CUX1: variants seen among roughly 807,000 people sequenced by gnomAD.
CUX1 encodes cut like homeobox 1, also known as protein CASP.
In CUX1, 31 loss-of-function variants were observed where a neutral mutation model predicts 158.8. The observed-to-expected ratio is 0.20, with a 90% CI of 0.15 to 0.26. The LOEUF is 0.26. Ranked by LOEUF, CUX1 falls within the 10% of genes least tolerant of loss-of-function variation. The pLI, the probability that CUX1 is intolerant of heterozygous loss-of-function variation, is 1.00. For synonymous variants in CUX1, 879 were observed against 862.1 expected (o/e 1.02, Z -0.34); for missense variants, 1,589 against 2,014.6 (o/e 0.79, Z 4.04).
chr7:101,951,763 T>C (rs1809092738), intron 2 of CUX1, among the ~76,000 whole-genome samples: 1 of 152,236 alleles, frequency 6.6e-6, no homozygotes, highest in Non-Finnish European at 1.5e-5. Flanking sequence ...CGCATCGGCC[T>C]CCCGAAGTGC....
At chr7:102,039,483 A>G (rs907746613) in intron 3 of CUX1, among the ~76,000 whole-genome samples, 4 of 151,958 alleles carry the variant, frequency 2.6e-5, no homozygotes, top group African/African-American at 9.7e-5. Context: ...GTGAAACTCC[A>G]TCTCTACAAA....
intron 10 of CUX1, among the ~76,000 whole-genome samples, chr7:102,174,181 G>C (rs1254347076): frequency 6.6e-6 from 1 of 152,056 alleles, no homozygotes; most frequent in South Asian, 2.1e-4. Flanking sequence ...GTGCAGTGGC[G>C]CAATCTGGGC....
chr7:101,965,158 G>A (rs1013528487), intron 2 of CUX1, among the ~76,000 whole-genome samples: 3 of 152,130 alleles, frequency 2.0e-5, no homozygotes, highest in African/African-American at 7.2e-5. Context: ...ATGCTTCCTC[G>A]AACAGCAACA....
chr7:102,103,272 C>T (rs190137947), intron 5 of CUX1, among the ~76,000 whole-genome samples: 82 of 152,306 alleles, frequency 5.4e-4, no homozygotes, highest in Admixed American at 1.5e-3. Context: ...AGGGTGGGTC[C>T]CTTCCAGCCC....
At chr7:102,216,597 C>CA (rs1563425158) in intron 20 of CUX1, among the ~76,000 whole-genome samples, 43 of 38,300 alleles carry the variant, frequency 1.1e-3, no homozygotes, top group African/African-American at 3.1e-3. Flanking sequence ...CACACACACT[C>CA]CCACACACAC....
At chr7:102,230,374 G>A in intron 21 of CUX1, among the ~76,000 whole-genome samples, 1 of 151,348 alleles carries the variant, frequency 6.6e-6, no homozygotes, top group East Asian at 1.9e-4. Flanking sequence ...AATCCCTGCT[G>A]CTTGGGAGGC....
chr7:102,007,355 T>C (rs1241335257), intron 2 of CUX1, among the ~76,000 whole-genome samples: 2 of 152,088 alleles, frequency 1.3e-5, no homozygotes, highest in East Asian at 3.9e-4. Context: ...TTATAGTTTT[T>C]AGTTGTTGCA....
rs1446361961 is a variant in CUX1 at position 102,254,701 on chromosome 7, C to T, written c.*5659C>T. On this transcript the variant is annotated 3_prime_UTR_variant, in exon 24 of 24. Coordinates refer to ENST00000292535, the MANE Select transcript of CUX1 (RefSeq NM_181552.4). ...TTCTGTGGTTTCACCTGGGCATCGA[C>T]GACATTAGGGAAGCCTTTGTGACCA... 25 of 985,372 alleles carry T rather than the reference C, an allele frequency of 2.5e-5. No individual in the cohort carries two copies. Among genetic ancestry groups the T allele is most frequent in the Middle Eastern group, 1.0e-3 (2 of 1,938 alleles). 61.0% of individuals were successfully genotyped at this position (985,372 alleles called of 1,614,324 possible). A position where few individuals can be genotyped will look rare whatever the true frequency, so the allele number is the denominator to read the frequency against.
At chr7:102,051,998 G>C (rs1823566746) in intron 3 of CUX1, among the ~76,000 whole-genome samples, 1 of 152,050 alleles carries the variant, frequency 6.6e-6, no homozygotes, top group African/African-American at 2.4e-5. Context: ...GGTCACTTGA[G>C]GTCAGGAGTT....
intron 2 of CUX1, among the ~76,000 whole-genome samples, chr7:101,951,322 C>T (rs2129156682): frequency 6.6e-6 from 1 of 150,594 alleles, no homozygotes. Context: ...TAGGGTGAGA[C>T]ACTGTCTCAA....
chr7:102,195,441 C>A, intron 13 of CUX1, 66 bp from the exon 14 acceptor site: 1 of 1,341,270 alleles, frequency 7.5e-7, no homozygotes, highest in Non-Finnish European at 1.0e-6. Context: ...GGGCTCCAGG[C>A]CTGGTGGCCC....
intron 3 of CUX1, among the ~76,000 whole-genome samples, chr7:102,044,818 C>T (rs975106128): frequency 6.6e-6 from 1 of 152,020 alleles, no homozygotes; most frequent in Admixed American, 6.5e-5. Flanking sequence ...GGGTTTGTGG[C>T]CAGACAGGCG....
Position 101,916,095 on chromosome 7 carries a change from C to T in CUX1, c.31-20C>T, listed in dbSNP as rs1804165912. ...CAGTGCAATTACAATCTCACTTTTC[C>T]TTTCCTGTTTCCCCAACAGAGAGAA... On this transcript the variant is annotated intron_variant, in intron 1 of 23. Transcript: ENST00000292535. This position sits in a 1 kb window ranked among gnomAD's most constrained non-coding sequence, Gnocchi z 4.4. 6.3e-7 allele frequency: 1 copy of T among 1,576,344 alleles called. No homozygotes were observed. The highest frequency in any genetic ancestry group is 8.7e-7 in the Non-Finnish European group (1 of 1,145,906).
chr7:102,206,830 C>T (rs144100558), intron 20 of CUX1, among the ~76,000 whole-genome samples: 2,717 of 152,108 alleles, frequency 0.018, 80 homozygotes, highest in African/African-American at 0.062. Flanking sequence ...ACCCAGGAGG[C>T]GGAGGTTGCA....
intron 6 of CUX1, among the ~76,000 whole-genome samples, 183 bp from the exon 7 acceptor site, chr7:102,111,515 A>G (rs1223139712): frequency 6.6e-6 from 1 of 152,164 alleles, no homozygotes; most frequent in African/African-American, 2.4e-5. Flanking sequence ...ACGCAGTTAC[A>G]AAGTTGGGGT....
chr7:101,853,067 A>G (rs1437474980), intron 1 of CUX1, among the ~76,000 whole-genome samples: 1 of 152,206 alleles, frequency 6.6e-6, no homozygotes, highest in Admixed American at 6.5e-5. Flanking sequence ...GTTGCAAAAT[A>G]TAATACAGTG....
chr7:101,903,643 A>T (rs1434424209), intron 1 of CUX1, among the ~76,000 whole-genome samples: 3 of 152,122 alleles, frequency 2.0e-5, no homozygotes, highest in Non-Finnish European at 2.9e-5. Flanking sequence ...TCTCCCTGCC[A>T]CAGAGCCGGC....
rs782375000 is a variant in CUX1 at position 102,201,467 on chromosome 7, C to A, written c.2170C>A (p.Leu724Ile). The change falls in exon 18 of 24, where the codon CTC becomes ATC. Residue 724 changes from leucine (L) to isoleucine (I), a missense_variant. Physicochemically the swap from Leu to Ile is conservative, Grantham distance 5. Around this residue, in one of 8 missense-constraint regions of CUX1, gnomAD observed 337 missense variants for 409.3 expected, o/e 0.82. Coordinates refer to ENST00000292535, the MANE Select transcript of CUX1 (RefSeq NM_181552.4). This position sits in a 1 kb window ranked among gnomAD's most constrained non-coding sequence, Gnocchi z 5.0. ...RREMEAQQAA[L>I]DPALKQAPLS... Reference sequence around the variant, plus strand: ...GGAGATGGAGGCCCAGCAGGCTGCCCTCGACCCTGCCTTAAAGCAGGCACC... The same window carrying A: ...GGAGATGGAGGCCCAGCAGGCTGCCATCGACCCTGCCTTAAAGCAGGCACC... The A allele has an allele frequency of 6.2e-7, 1 of 1,614,138 alleles. No individual in the cohort carries two copies. Among genetic ancestry groups the A allele is most frequent in the Non-Finnish European group, 8.5e-7 (1 of 1,180,030 alleles).
At chr7:101,820,644 G>A (rs1030485231) in intron 1 of CUX1, among the ~76,000 whole-genome samples, 2 of 152,180 alleles carry the variant, frequency 1.3e-5, no homozygotes, top group Non-Finnish European at 1.5e-5. Context: ...CTGAAGCCCC[G>A]CGTTATCGCT....
Sources: allele counts gnomAD v4.1 joint callset (sites outside exome capture counted in the v4.1 genomes callset), GRCh38; gene constraint gnomAD v4.1.1; regional missense constraint gnomAD v4.1.1; non-coding constraint Gnocchi (gnomAD v3.1); transcripts MANE v1.5; gene names NCBI Gene and HGNC (gene_info 2026-07-23, HGNC 2026-07-21).